Variants in GPC6 observed in about 807,000 individuals in gnomAD.
GPC6 encodes the protein glypican-6.
GPC6 carries 14 observed loss-of-function variants against 55.2 expected under a neutral mutation model. The ratio of observed to expected loss-of-function variants is 0.25; its 90% confidence interval spans 0.17 to 0.40. The LOEUF (loss-of-function observed/expected upper bound fraction) is 0.40, where lower values mean the gene tolerates loss of function less well. Among genes scored for constraint, GPC6 ranks in the 10% least tolerant of loss-of-function variants. GPC6 has a pLI of 1.00. For missense variants in GPC6, 641 were observed against 708.5 expected, an observed-to-expected ratio of 0.90 and a Z score of 1.08; for synonymous variants, 278 against 259.6, an observed-to-expected ratio of 1.07 and a Z score of -0.68.
chr13:93,983,689 TAGAC>T (rs768743880), intron 3 of GPC6, among the ~76,000 whole-genome samples: 44 of 151,706 alleles, frequency 2.9e-4, no homozygotes, highest in Admixed American at 3.9e-4. Flanking sequence ...AAAGGAGAGA[TAGAC>T]AGACAGACAG....
chr13:94,166,016 G>A (rs1220973467), intron 4 of GPC6, among the ~76,000 whole-genome samples: 1 of 151,962 alleles, frequency 6.6e-6, no homozygotes, highest in Admixed American at 6.6e-5. Context: ...TAAAAAGTAG[G>A]GCACGTTAAA....
At chr13:94,391,533 G>A (rs141754411) in intron 7 of GPC6, among the ~76,000 whole-genome samples, 3 of 152,212 alleles carry the variant, frequency 2.0e-5, no homozygotes, top group Non-Finnish European at 2.9e-5. Flanking sequence ...CACAGTTTAC[G>A]TTGAATAATC....
intron 1 of GPC6, among the ~76,000 whole-genome samples, chr13:93,386,991 A>G (rs1215292147): frequency 2.6e-5 from 4 of 152,170 alleles, no homozygotes; most frequent in Non-Finnish European, 5.9e-5. Flanking sequence ...CTAATTCAGC[A>G]CGATCTCAAC....
rs1874741120 is a variant in GPC6 at position 93,545,511 on chromosome 13, G to A, written c.319+90G>A. The stretch of plus-strand genomic sequence containing the variant: ...ATATGAAAAATATTTTTTTAAAAAG[G>A]GAGCTTTTCTATCCCTCTTAAATAT... On this transcript the variant is annotated intron_variant, in intron 2 of 8. Coordinates refer to ENST00000377047, the MANE Select transcript of GPC6 (RefSeq NM_005708.5). 5.7e-5 allele frequency: 64 copies of A among 1,115,736 alleles called. 1 individual carries two copies. The South Asian group carries it at 6.5e-4, about 11-fold the overall frequency. The allele number at this position is 1,115,736 out of a possible 1,614,324, so 69.1% of individuals were successfully genotyped here.
At chr13:94,132,179 G>C (rs1268653280) in intron 4 of GPC6, among the ~76,000 whole-genome samples, 1 of 152,162 alleles carries the variant, frequency 6.6e-6, no homozygotes, top group African/African-American at 2.4e-5. Flanking sequence ...ATGGAGCAAA[G>C]CTACCACAGA....
At chr13:93,745,802 T>C (rs1273877971) in intron 2 of GPC6, among the ~76,000 whole-genome samples, 4 of 152,184 alleles carry the variant, frequency 2.6e-5, no homozygotes, top group African/African-American at 9.7e-5. Flanking sequence ...ATCATCTGCT[T>C]CTGATGATAA....
At chr13:94,397,337 A>G (rs1423274667) in intron 7 of GPC6, among the ~76,000 whole-genome samples, 1 of 152,148 alleles carries the variant, frequency 6.6e-6, no homozygotes, top group Non-Finnish European at 1.5e-5. Flanking sequence ...CACATTTCCA[A>G]GATCTTTAGC....
chr13:93,400,925 A>G (rs149682541), intron 1 of GPC6, among the ~76,000 whole-genome samples: 415 of 152,130 alleles, frequency 2.7e-3, no homozygotes, highest in African/African-American at 9.5e-3. Context: ...GAATTACTTG[A>G]GAGGGTGGGA....
At chr13:94,212,395 A>G (rs1890105880) in intron 4 of GPC6, among the ~76,000 whole-genome samples, 1 of 152,218 alleles carries the variant, frequency 6.6e-6, no homozygotes, top group African/African-American at 2.4e-5. Context: ...TCTGAAGCTC[A>G]TTAGTTTCCA....
intron 3 of GPC6, among the ~76,000 whole-genome samples, chr13:93,990,435 A>G (rs941023044): frequency 6.6e-6 from 1 of 152,108 alleles, no homozygotes; most frequent in African/African-American, 2.4e-5. Context: ...ATAATATCTC[A>G]TGAGGATAAA....
At chr13:94,350,045 A>T (rs960265327) in intron 6 of GPC6, among the ~76,000 whole-genome samples, 3 of 149,158 alleles carry the variant, frequency 2.0e-5, no homozygotes, top group East Asian at 1.9e-4. Flanking sequence ...GCAAAGAAAA[A>T]ATATATATAT....
At chr13:93,855,854 C>T (rs764152958) in intron 3 of GPC6, among the ~76,000 whole-genome samples, 44 of 151,536 alleles carry the variant, frequency 2.9e-4, no homozygotes, top group Non-Finnish European at 4.1e-4. Flanking sequence ...AGTGAGGTGT[C>T]GAAGTCTTTA....
At chr13:93,355,461 A>G (rs1251847753) in intron 1 of GPC6, among the ~76,000 whole-genome samples, 1 of 152,202 alleles carries the variant, frequency 6.6e-6, no homozygotes, top group Non-Finnish European at 1.5e-5. Flanking sequence ...AAGAATAAAT[A>G]GGGTTTGGGA....
intron 1 of GPC6, among the ~76,000 whole-genome samples, chr13:93,318,055 G>A (rs533151985): frequency 2.1e-4 from 32 of 152,272 alleles, no homozygotes; most frequent in African/African-American, 7.7e-4. Flanking sequence ...TTTTACAAGG[G>A]AAGACTAGCC....
At chr13:94,039,336 G>A (rs1883450845) in intron 4 of GPC6, among the ~76,000 whole-genome samples, 1 of 151,912 alleles carries the variant, frequency 6.6e-6, no homozygotes, top group Non-Finnish European at 1.5e-5. Context: ...AGATGGATGA[G>A]ACTTGTGGTA....
At chr13:93,751,996 C>T (rs1884610335) in intron 2 of GPC6, among the ~76,000 whole-genome samples, 1 of 151,990 alleles carries the variant, frequency 6.6e-6, no homozygotes, top group Non-Finnish European at 1.5e-5. Context: ...TTTTCTCTGA[C>T]AGTATTTCTA....
At chr13:93,744,789 T>G (rs1390783298) in intron 2 of GPC6, among the ~76,000 whole-genome samples, 1 of 151,380 alleles carries the variant, frequency 6.6e-6, no homozygotes, top group Non-Finnish European at 1.5e-5. Flanking sequence ...AAAAATTAGC[T>G]GGGTGTGGTG....
chr13:94,357,267 A>G (rs1235610635), intron 6 of GPC6, among the ~76,000 whole-genome samples: 1 of 152,116 alleles, frequency 6.6e-6, no homozygotes, highest in Non-Finnish European at 1.5e-5. Flanking sequence ...CCAAACCCTT[A>G]GTGGGTTTGG....
intron 2 of GPC6, among the ~76,000 whole-genome samples, chr13:93,685,315 C>T (rs879141276): frequency 1.3e-5 from 2 of 152,138 alleles, no homozygotes; most frequent in South Asian, 2.1e-4. Context: ...TCAAGTCTCA[C>T]GCTTTGTGAG....
Sources: gnomAD v4.1 joint callset for allele counts (sites outside exome capture counted in the v4.1 genomes callset) on GRCh38, gnomAD v4.1.1 for gene constraint, MANE v1.5 for transcripts, NCBI Gene and HGNC (gene_info 2026-07-23, HGNC 2026-07-21) for gene names.